The following TANGO6 variants were observed in gnomAD, a reference collection of about 807,000 sequenced individuals.
TANGO6 encodes transport and Golgi organization protein 6 homolog.
TANGO6 carries 90 observed loss-of-function variants against 114.2 expected under a neutral mutation model. The observed-to-expected ratio is 0.79, with a 90% CI of 0.66 to 0.94. The LOEUF (loss-of-function observed/expected upper bound fraction) is 0.94. TANGO6 is among the 40% of genes least tolerant of loss of function. The pLI, the probability that TANGO6 is intolerant of heterozygous loss-of-function variation, is 0.00. For missense variants in TANGO6, 1,274 were observed against 1,315.3 expected (o/e 0.97, Z 0.49); for synonymous variants, 477 against 509.8 (o/e 0.94, Z 0.87).
intron 14 of TANGO6, among the ~76,000 whole-genome samples, chr16:68,951,444 C>A (rs1404814611): frequency 1.3e-5 from 2 of 152,056 alleles, no homozygotes; most frequent in Non-Finnish European, 2.9e-5. Flanking sequence ...CTTCATCTCC[C>A]ATTTTTCAGA....
chr16:68,876,289 G>A (rs886297148), intron 5 of TANGO6, among the ~76,000 whole-genome samples: 2 of 151,920 alleles, frequency 1.3e-5, no homozygotes, highest in African/African-American at 4.8e-5. Flanking sequence ...AGCCTCCCGA[G>A]TAGCTGGGAT....
At chr16:68,932,131 C>A (rs565140481) in intron 14 of TANGO6, among the ~76,000 whole-genome samples, 1 of 151,956 alleles carries the variant, frequency 6.6e-6, no homozygotes, top group Non-Finnish European at 1.5e-5. Flanking sequence ...ACTCTTGTTG[C>A]CCAGACTGGA....
At chr16:69,003,419 G>A (rs1168057569) in intron 15 of TANGO6, among the ~76,000 whole-genome samples, 2 of 152,192 alleles carry the variant, frequency 1.3e-5, no homozygotes, top group Non-Finnish European at 1.5e-5. Flanking sequence ...AAAGAGCAAA[G>A]CCTTAGCTAC....
intron 17 of TANGO6, 35 bp downstream of exon 17, chr16:69,040,456 C>A (rs1435822089): frequency 6.6e-7 from 1 of 1,510,782 alleles, no homozygotes; most frequent in Non-Finnish European, 9.0e-7. Flanking sequence ...AATTTCTCCA[C>A]CTCTTTTATT....
intron 14 of TANGO6, among the ~76,000 whole-genome samples, chr16:68,970,000 G>A (rs1260967588): frequency 6.6e-6 from 1 of 152,114 alleles, no homozygotes; most frequent in African/African-American, 2.4e-5. Flanking sequence ...GTGGGGAGGG[G>A]AATTTATCTT....
rs565666487 is a variant in TANGO6, at chr16:68,892,577, T to C, written c.1378-7857T>C. On this transcript the variant is annotated intron_variant, in intron 7 of 17. Transcript: ENST00000261778. Reference sequence around the variant, plus strand: ...CAGGCTGGAGTGCAGTGGTGTAGCATGATCTCGGCTCACTGCAACCTCCGC... The same window carrying C: ...CAGGCTGGAGTGCAGTGGTGTAGCACGATCTCGGCTCACTGCAACCTCCGC... Among the ~76,000 whole-genome samples the C allele has an allele frequency of 1.1e-4, 16 of 151,278 alleles. 1 individual carries two copies. In the East Asian group the frequency reaches 2.9e-3, roughly 28 times the overall value.
intron 7 of TANGO6, among the ~76,000 whole-genome samples, chr16:68,890,119 G>A (rs184137083): frequency 2.0e-5 from 3 of 152,264 alleles, no homozygotes; most frequent in East Asian, 3.9e-4. Context: ...GTAAAATCAA[G>A]TTCCAGCCTG....
intron 15 of TANGO6, among the ~76,000 whole-genome samples, chr16:69,013,906 C>A (rs1293147267): frequency 6.6e-6 from 1 of 152,142 alleles, no homozygotes; most frequent in African/African-American, 2.4e-5. Context: ...AATCTGCCTG[C>A]CTTGGCCTCC....
intron 17 of TANGO6, among the ~76,000 whole-genome samples, chr16:69,041,722 T>A (rs1227349788): frequency 6.6e-6 from 1 of 152,148 alleles, no homozygotes; most frequent in Non-Finnish European, 1.5e-5. Context: ...CTTGTATAGG[T>A]TGAGGTTTGG....
In TANGO6 at chr16:68,875,369, T is replaced by G. The variant is rs959755201; in HGVS notation, c.1131+79T>G. On this transcript the variant is annotated intron_variant, in intron 5 of 17. Transcript: ENST00000261778. ...AAGAGGACTTTTAATGTTCCTCTAG[T>G]ATTGAGATAAAAGCAGTATAATATT... 1.2e-5 allele frequency: 18 copies of G among 1,489,928 alleles called. No homozygotes were observed. The African/African-American group carries it at 2.5e-4, about 21-fold the overall frequency. The allele number at this position is 1,489,928 out of a possible 1,614,324, so 92.3% of individuals were successfully genotyped here.
At chr16:69,074,815 T>C (rs1960348991) in intron 17 of TANGO6, among the ~76,000 whole-genome samples, 2 of 147,248 alleles carry the variant, frequency 1.4e-5, no homozygotes, top group South Asian at 4.2e-4. Flanking sequence ...TGTGTGTGTG[T>C]GTGTGTGTGT....
At chr16:68,887,421 A>T (rs1054689473) in intron 7 of TANGO6, among the ~76,000 whole-genome samples, 2 of 152,180 alleles carry the variant, frequency 1.3e-5, no homozygotes, top group East Asian at 1.9e-4. Flanking sequence ...TAGAAGTTAG[A>T]CTAAATAAGG....
At chr16:68,877,728 C>T (rs1962388326) in intron 5 of TANGO6, among the ~76,000 whole-genome samples, 1 of 151,904 alleles carries the variant, frequency 6.6e-6, no homozygotes, top group African/African-American at 2.4e-5. Flanking sequence ...CTGCCTCAGC[C>T]TCCTGAGTAG....
At chr16:69,000,248 T>C (rs1964028388) in intron 15 of TANGO6, among the ~76,000 whole-genome samples, 1 of 152,232 alleles carries the variant, frequency 6.6e-6, no homozygotes, top group South Asian at 2.1e-4. Context: ...CAGTGCTTCC[T>C]GTATGCTTTT....
chr16:68,886,009 A>T (rs1319554462), intron 7 of TANGO6, among the ~76,000 whole-genome samples: 1 of 152,188 alleles, frequency 6.6e-6, no homozygotes, highest in African/African-American at 2.4e-5. Context: ...TCCCACCAGC[A>T]ATGAGGGCTC....
rs1962189725 is a variant in TANGO6, at chr16:68,867,076, C to T, written c.853-3C>T. ...AGAATTCACACCTTCTTCTTTTTCTCAGTCCTGCACAGATGTGAAGACACA... is the reference window on the plus strand; with the variant it reads ...AGAATTCACACCTTCTTCTTTTTCTTAGTCCTGCACAGATGTGAAGACACA... On this transcript the variant is annotated splice_polypyrimidine_tract_variant and splice_region_variant and intron_variant, in intron 3 of 17. Transcript: ENST00000261778. 1 of 1,543,826 alleles carries T rather than the reference C, an allele frequency of 6.5e-7. No individual in the cohort carries two copies. Among genetic ancestry groups the T allele is most frequent in the Non-Finnish European group, 8.8e-7 (1 of 1,139,472 alleles).
At chr16:68,902,049 CAAAAAA>C (rs747586789) in intron 8 of TANGO6, among the ~76,000 whole-genome samples, 2 of 79,796 alleles carry the variant, frequency 2.5e-5, no homozygotes, top group Admixed American at 1.4e-4. Flanking sequence ...TTGGAATTAC[CAAAAAA>C]AAAAAAAAAA....
chr16:69,028,327 C>G (rs1959538802), intron 16 of TANGO6, among the ~76,000 whole-genome samples: 1 of 152,004 alleles, frequency 6.6e-6, no homozygotes, highest in Non-Finnish European at 1.5e-5. Flanking sequence ...TACAATTCAC[C>G]CATTTAAAGT....
chr16:68,996,674 A>G (rs548572815), intron 15 of TANGO6, among the ~76,000 whole-genome samples: 1 of 152,174 alleles, frequency 6.6e-6, no homozygotes, highest in Non-Finnish European at 1.5e-5. Context: ...GAGGAAAAGT[A>G]GTTTTTCTGG....
Sources: gnomAD v4.1 joint callset for allele counts (sites outside exome capture counted in the v4.1 genomes callset) on GRCh38, gnomAD v4.1.1 for gene constraint, MANE v1.5 for transcripts, NCBI Gene and HGNC (gene_info 2026-07-23, HGNC 2026-07-21) for gene names.